Variants in ADGRG4 observed in about 807,000 individuals in gnomAD.
The protein encoded by ADGRG4 is G protein-coupled receptor 112.
In ADGRG4, 122 loss-of-function variants were observed where a neutral mutation model predicts 126.2. The observed-to-expected ratio is 0.97, with a 90% CI of 0.83 to 1.12. ADGRG4 has a LOEUF of 1.12. Among genes scored for constraint, ADGRG4 ranks in the 50% most tolerant of loss-of-function variants. ADGRG4 has a pLI of 0.00. For synonymous variants in ADGRG4, 943 were observed against 838.7 expected (o/e 1.12, Z -2.15); for missense variants, 2,481 against 2,251.8 (o/e 1.10, Z -2.06).
intron 15 of ADGRG4, among the ~76,000 whole-genome samples, chrX:136,382,763 C>T: frequency 9.0e-6 from 1 of 111,402 alleles, no homozygotes; most frequent in Admixed American, 9.5e-5. Context: ...CCAGCCAACA[C>T]TGTAACTCCC....
intron 5 of ADGRG4, among the ~76,000 whole-genome samples, chrX:136,330,386 CTTT>C (rs113126296): frequency 9.8e-6 from 1 of 101,801 alleles, no homozygotes. Flanking sequence ...TTAGGATTAC[CTTT>C]TTTTTTTTTT....
In ADGRG4 at chrX:136,349,628, A is replaced by T; in HGVS notation, c.5922A>T (p.Thr1974=). 1 of 1,209,245 alleles carries T rather than the reference A, an allele frequency of 8.3e-7. No homozygotes were observed. The highest frequency in any genetic ancestry group is 1.1e-6 in the Non-Finnish European group (1 of 893,655). Reference sequence around the variant, plus strand: ...CCACATTGGCTGACGTTAAGCACACATTTGAGAAAATGACCACATCTGTAA... The same window carrying T: ...CCACATTGGCTGACGTTAAGCACACTTTTGAGAAAATGACCACATCTGTAA... ...ITSTLADVKH[T]FEKMTTSVTP... The change falls in exon 6 of 26, where the codon ACA becomes ACT. Residue 1974 remains threonine (T), a synonymous_variant. Transcript: ENST00000394143.
chrX:136,356,958 C>T (rs894559488), intron 9 of ADGRG4, among the ~76,000 whole-genome samples: 1 of 112,058 alleles, frequency 8.9e-6, no homozygotes, highest in Non-Finnish European at 1.9e-5. Flanking sequence ...ACTATGATTG[C>T]ACCACTGCAC....
At position 136,344,900 on chromosome X, in the gene ADGRG4, G is replaced by A. The variant is rs1250426983; in HGVS notation, c.1194G>A (p.Thr398=). Residue 398 remains threonine, a synonymous_variant, in exon 6 of 26, where the codon ACG becomes ACA. Coordinates refer to ENST00000394143, the MANE Select transcript of ADGRG4 (RefSeq NM_153834.4). ...CAATTAAATCTCAGTCGGCTGTTAC[G>A]AAGACAACATCTTTATTTTCAACTA... ...TSAIKSQSAV[T]KTTSLFSTIE... The A allele has an allele frequency of 6.6e-6, 8 of 1,210,531 alleles. No homozygotes were observed. The highest frequency in any genetic ancestry group is 7.8e-6 in the Non-Finnish European group (7 of 894,485).
chrX:136,414,389 CCA>C, intron 25 of ADGRG4, 62 bp downstream of exon 25: 1 of 935,675 alleles, frequency 1.1e-6, no homozygotes, highest in South Asian at 2.4e-5. Context: ...TAATGTGAGA[CCA>C]CATACTGGGT....
In ADGRG4 at chrX:136,344,777, T is replaced by C; in HGVS notation, c.1071T>C (p.Val357=). 1 of 1,210,035 alleles carries C rather than the reference T, an allele frequency of 8.3e-7. No homozygotes were observed. Among genetic ancestry groups the C allele is most frequent in the Non-Finnish European group, 1.1e-6 (1 of 894,470 alleles). ...SSESTKTTKM[V]EAMATEIFQP... ...AAAGCACAAAGACAACAAAAATGGT[T>C]GAAGCCATGGCTACTGAAATCTTTC... is the stretch of plus-strand genomic sequence containing the variant. Residue 357 remains valine (V), a synonymous_variant, in exon 6 of 26, where the codon GTT becomes GTC. Coordinates refer to ENST00000394143, the MANE Select transcript of ADGRG4 (RefSeq NM_153834.4).
At chrX:136,343,759 A>G (rs774464541) in intron 5 of ADGRG4, among the ~76,000 whole-genome samples, 1 of 112,081 alleles carries the variant, frequency 8.9e-6, no homozygotes, top group Non-Finnish European at 1.9e-5. Flanking sequence ...TACTCTGTAT[A>G]AGAAGCTATG....
chrX:136,350,297 C>T lies in ADGRG4; in HGVS notation c.6591C>T (p.Ser2197=). 2 of 1,210,687 alleles carry T rather than the reference C, an allele frequency of 1.7e-6. No individual in the cohort carries two copies. The highest frequency in any genetic ancestry group is 3.5e-5 in the African/African-American group (2 of 57,749). The stretch of plus-strand genomic sequence containing the variant: ...CTGGAGCCTCATTTCCACTCATATC[C>T]ACTGGGGTGACATATCCTTTTACAG... ...TVPGASFPLI[S]TGVTYPFTAT... Residue 2197 remains serine, a synonymous_variant, in exon 6 of 26, where the codon TCC becomes TCT. Coordinates refer to ENST00000394143, the MANE Select transcript of ADGRG4 (RefSeq NM_153834.4).
intron 5 of ADGRG4, among the ~76,000 whole-genome samples, chrX:136,329,185 C>G (rs1227072746): frequency 9.0e-6 from 1 of 111,609 alleles, no homozygotes; most frequent in Non-Finnish European, 1.9e-5. Flanking sequence ...TTATAGAGGT[C>G]CTGACTGAAA....
chrX:136,328,935 C>G (rs769218453), intron 5 of ADGRG4, among the ~76,000 whole-genome samples: 2 of 111,693 alleles, frequency 1.8e-5, no homozygotes, highest in African/African-American at 6.5e-5. Context: ...TTCTCCTTCA[C>G]AGGATGACAT....
At chrX:136,316,900 A>C (rs1399337637) in intron 4 of ADGRG4, among the ~76,000 whole-genome samples, 3 of 111,712 alleles carry the variant, frequency 2.7e-5, no homozygotes, top group Non-Finnish European at 5.6e-5. Context: ...TACAGTCCAG[A>C]ACTTCTCATT....
chrX:136,408,973 G>A, intron 23 of ADGRG4, among the ~76,000 whole-genome samples: 1 of 109,564 alleles, frequency 9.1e-6, no homozygotes, highest in Non-Finnish European at 1.9e-5. Flanking sequence ...TGCCAGTCCT[G>A]CCTAAAATGA....
At chrX:136,392,937 G>C (rs759263442) in intron 17 of ADGRG4, among the ~76,000 whole-genome samples, 6 of 111,898 alleles carry the variant, frequency 5.4e-5, no homozygotes, top group Non-Finnish European at 9.4e-5. Context: ...TTCTAGAAGG[G>C]AAGAAGAGAA....
At chrX:136,350,474 T>G (rs1234580104) in intron 6 of ADGRG4, 41 bp downstream of exon 6, 39 of 1,136,096 alleles carry the variant, frequency 3.4e-5, no homozygotes, top group Non-Finnish European at 4.5e-5. Flanking sequence ...CCAACAGAAT[T>G]CATGCACTAT....
chrX:136,376,577 G>A (rs745523568), intron 15 of ADGRG4, among the ~76,000 whole-genome samples: 6 of 111,097 alleles, frequency 5.4e-5, no homozygotes, highest in East Asian at 5.6e-4. Flanking sequence ...ACAGTGTTTC[G>A]TAGTTTTCCT....
At chrX:136,332,984 T>G (rs963404306) in intron 5 of ADGRG4, among the ~76,000 whole-genome samples, 13 of 111,694 alleles carry the variant, frequency 1.2e-4, no homozygotes, top group Non-Finnish European at 2.4e-4. Context: ...TAGTTTCTTT[T>G]GCTGTGCGGA....
rs868297729 is a variant in ADGRG4, at chrX:136,346,332, C to T, written c.2626C>T (p.Gln876Ter). The change falls in exon 6 of 26, where the codon CAA (glutamine) becomes TAA (stop). Residue 876 changes from glutamine to a stop codon, truncating the protein, a stop_gained. Coordinates refer to ENST00000394143, the MANE Select transcript of ADGRG4 (RefSeq NM_153834.4). LOFTEE classifies it high-confidence loss of function. ...TMLEVTDESA[Q>*]RVTASVTVSS... is the part of the protein sequence containing the mutation. ...GCTGGAAGTGACAGACGAATCAGCA[C>T]AAAGGGTGACAGCTTCTGTCACTGT... 4 of 1,209,000 alleles carry T rather than the reference C, an allele frequency of 3.3e-6. No individual in the cohort carries two copies. The highest frequency in any genetic ancestry group is 4.5e-6 in the Non-Finnish European group (4 of 894,537).
At chrX:136,323,854 A>G (rs191805188) in intron 5 of ADGRG4, among the ~76,000 whole-genome samples, 274 of 111,894 alleles carry the variant, frequency 2.4e-3, no homozygotes, top group Non-Finnish European at 3.8e-3. Context: ...CCCAGGATCC[A>G]ACTCAGGATC....
Position 136,393,593 on chromosome X carries a change from G to A in ADGRG4, c.8080+13G>A. 8.5e-7 allele frequency: 1 copy of A among 1,181,064 alleles called. No individual in the cohort carries two copies. On this transcript the variant is annotated intron_variant, in intron 18 of 25. Coordinates refer to ENST00000394143, the MANE Select transcript of ADGRG4 (RefSeq NM_153834.4). ...TTTGAGAATAATAGTAAGTATTTTTGTTAGCAACTTTGACTTTGCCCCAGA... is the reference window on the plus strand; with the variant it reads ...TTTGAGAATAATAGTAAGTATTTTTATTAGCAACTTTGACTTTGCCCCAGA...
Sources: gnomAD v4.1 joint callset for allele counts (sites outside exome capture counted in the v4.1 genomes callset) on GRCh38, gnomAD v4.1.1 for gene constraint, MANE v1.5 for transcripts, NCBI Gene and HGNC (gene_info 2026-07-23, HGNC 2026-07-21) for gene names.